Variants in MARCHF1 observed in about 807,000 individuals in gnomAD.
MARCHF1 encodes membrane associated ring-CH-type finger 1.
In MARCHF1, 40 loss-of-function variants were observed where a neutral mutation model predicts 54.2. That is an observed-to-expected ratio of 0.74 (90% confidence interval 0.57 to 0.96). The LOEUF (loss-of-function observed/expected upper bound fraction) is 0.96. MARCHF1 is among the 40% of genes least tolerant of loss of function. The pLI is 0.00. For synonymous variants in MARCHF1, 236 were observed against 236.3 expected (o/e 1.00, Z 0.01); for missense variants, 586 against 656.5 (o/e 0.89, Z 1.17).
At chr4:164,015,618 C>T (rs207465228) in intron 2 of MARCHF1, among the ~76,000 whole-genome samples, 1 of 151,522 alleles carries the variant, frequency 6.6e-6, no homozygotes, top group Non-Finnish European at 1.5e-5. Flanking sequence ...GCAAAACAAA[C>T]AATACAAATA....
chr4:163,548,622 G>A (rs1738991996), intron 8 of MARCHF1, among the ~76,000 whole-genome samples: 2 of 152,192 alleles, frequency 1.3e-5, no homozygotes, highest in Non-Finnish European at 2.9e-5. Flanking sequence ...AATCCTTACA[G>A]GAACCATTTA....
chr4:163,920,538 C>T (rs1374896153), intron 3 of MARCHF1, among the ~76,000 whole-genome samples: 2 of 152,188 alleles, frequency 1.3e-5, no homozygotes, highest in Non-Finnish European at 2.9e-5. Flanking sequence ...ATGCCCTAGA[C>T]AGCTTCCCTG....
chr4:163,811,753 C>T (rs2111013162), intron 4 of MARCHF1, among the ~76,000 whole-genome samples: 1 of 152,248 alleles, frequency 6.6e-6, no homozygotes, highest in African/African-American at 2.4e-5. Context: ...TTAATGCTTA[C>T]AGTTTACTAG....
intron 1 of MARCHF1, among the ~76,000 whole-genome samples, chr4:164,241,753 C>T (rs928355356): frequency 6.6e-6 from 1 of 152,110 alleles, no homozygotes; most frequent in South Asian, 2.1e-4. Flanking sequence ...ACAGTGGGCA[C>T]AGGTCAGTGG....
intron 3 of MARCHF1, among the ~76,000 whole-genome samples, chr4:163,960,787 A>G (rs1195618110): frequency 6.6e-6 from 1 of 150,640 alleles, no homozygotes; most frequent in Non-Finnish European, 1.5e-5. Context: ...AAACCTTCGC[A>G]TGTACCCTTG....
At chr4:163,900,080 T>C (rs1206246812) in intron 3 of MARCHF1, among the ~76,000 whole-genome samples, 1 of 152,108 alleles carries the variant, frequency 6.6e-6, no homozygotes, top group African/African-American at 2.4e-5. Context: ...TTTATTTCTA[T>C]CCATTGCCTT....
chr4:163,698,211 T>C (rs1744694947), intron 5 of MARCHF1, among the ~76,000 whole-genome samples: 1 of 152,182 alleles, frequency 6.6e-6, no homozygotes, highest in Admixed American at 6.6e-5. Flanking sequence ...AGCAGTTATT[T>C]TGACAAAATT....
chr4:163,656,608 A>G (rs1010855405), intron 5 of MARCHF1, among the ~76,000 whole-genome samples: 10 of 151,858 alleles, frequency 6.6e-5, no homozygotes, highest in Admixed American at 2.0e-4. Context: ...ACAACAACAA[A>G]AAAACTTCAG....
At chr4:163,897,825 G>A (rs1485682894) in intron 3 of MARCHF1, among the ~76,000 whole-genome samples, 1 of 151,996 alleles carries the variant, frequency 6.6e-6, no homozygotes, top group Non-Finnish European at 1.5e-5. Context: ...GGGAGGCCGA[G>A]GCGGGTGGAT....
chr4:163,694,249 T>C (rs1744551097), intron 5 of MARCHF1, among the ~76,000 whole-genome samples: 1 of 152,130 alleles, frequency 6.6e-6, no homozygotes, highest in South Asian at 2.1e-4. Context: ...CAAAATCCCT[T>C]TGGGTCCCTC....
chr4:163,791,583 G>T (rs1335900143), intron 4 of MARCHF1, among the ~76,000 whole-genome samples: 9 of 152,120 alleles, frequency 5.9e-5, no homozygotes, highest in Admixed American at 5.9e-4. Flanking sequence ...ACTGCAGAAT[G>T]AGAGTTGAGG....
intron 4 of MARCHF1, among the ~76,000 whole-genome samples, chr4:163,799,319 T>C (rs1468740837): frequency 6.6e-6 from 1 of 152,084 alleles, no homozygotes; most frequent in Non-Finnish European, 1.5e-5. Context: ...TCTGGCAAGG[T>C]ATTGTATCTA....
chr4:164,122,782 C>T (rs1200336986), intron 1 of MARCHF1, among the ~76,000 whole-genome samples: 1 of 152,162 alleles, frequency 6.6e-6, no homozygotes, highest in Middle Eastern at 3.4e-3. Context: ...AGGCCATATA[C>T]CCCAGACAAC....
chr4:163,994,258 GTGTGTGTGT>G (rs1377878759), intron 2 of MARCHF1, among the ~76,000 whole-genome samples: 4 of 4,690 alleles, frequency 8.5e-4, no homozygotes, highest in African/African-American at 1.9e-3. Flanking sequence ...TAGAGAAAAA[GTGTGTGTGT>G]GTGTGTGTGT....
chr4:163,823,247 C>T lies in MARCHF1; in HGVS notation c.111+30774G>A, dbSNP rs141498836. On this transcript the variant is annotated intron_variant, in intron 4 of 9. Transcript: ENST00000514618. ...TGCTTTTCCAGGTATCTTGTATGGACTACCTCACAGCTACCCCAGTAAGGA... is the reference window on the plus strand; with the variant it reads ...TGCTTTTCCAGGTATCTTGTATGGATTACCTCACAGCTACCCCAGTAAGGA... Among the ~76,000 whole-genome samples the T allele has an allele frequency of 4.1e-3, 618 of 151,736 alleles. 4 individuals are homozygous for T. The highest frequency in any genetic ancestry group is 0.014 in the African/African-American group (590 of 41,432).
At chr4:164,328,205 AAAGC>A (rs1394938810) in intron 1 of MARCHF1, among the ~76,000 whole-genome samples, 1 of 152,242 alleles carries the variant, frequency 6.6e-6, no homozygotes, top group East Asian at 1.9e-4. Flanking sequence ...TAAGTAAAGA[AAAGC>A]ATTAGTGCAT....
At position 163,585,896 on chromosome 4, in the gene MARCHF1, G is replaced by C. The variant is rs199672065; in HGVS notation, c.1044C>G (p.Pro348=). The part of the protein sequence containing the change: ...ICHCEGDEES[P]LITPCRCTGT... Reference sequence around the variant, plus strand: ...CAGTGCAGCGACAGGGTGTGATGAGGGGGCTCTCTTCATCCCCTTCGCAGT... The same window carrying C: ...CAGTGCAGCGACAGGGTGTGATGAGCGGGCTCTCTTCATCCCCTTCGCAGT... The change falls in exon 8 of 10, where the codon CCC becomes CCG. Residue 348 remains proline (P), a synonymous_variant. Transcript: ENST00000514618. 5.6e-6 allele frequency: 9 copies of C among 1,612,776 alleles called. No individual in the cohort carries two copies. The highest frequency in any genetic ancestry group is 1.7e-4 in the Middle Eastern group (1 of 5,854).
At chr4:163,535,577 A>G (rs1332397209) in intron 9 of MARCHF1, among the ~76,000 whole-genome samples, 1 of 152,142 alleles carries the variant, frequency 6.6e-6, no homozygotes, top group Non-Finnish European at 1.5e-5. Flanking sequence ...AATCAGGAGT[A>G]TGTGATGATT....
chr4:163,887,736 A>G (rs965799140), intron 3 of MARCHF1, among the ~76,000 whole-genome samples: 24 of 152,226 alleles, frequency 1.6e-4, no homozygotes, highest in African/African-American at 4.8e-4. Flanking sequence ...GTGCATATAA[A>G]CACTAAATTT....
Sources: gnomAD v4.1 joint callset for allele counts (sites outside exome capture counted in the v4.1 genomes callset) on GRCh38, gnomAD v4.1.1 for gene constraint, MANE v1.5 for transcripts, NCBI Gene and HGNC (gene_info 2026-07-23, HGNC 2026-07-21) for gene names.